ROBO1: variants seen among roughly 807,000 people sequenced by gnomAD.
ROBO1 encodes the protein roundabout homolog 1.
ROBO1 carries 149 observed loss-of-function variants against 195.9 expected under a neutral mutation model. That is an observed-to-expected ratio of 0.76 (90% CI 0.67 to 0.87). The LOEUF (loss-of-function observed/expected upper bound fraction) is 0.87, where lower values mean the gene tolerates loss of function less well. ROBO1 is among the 40% of genes least tolerant of loss of function. The pLI is 0.00. For missense variants in ROBO1, 1,933 were observed against 2,068.3 expected (o/e 0.93, Z 1.27); for synonymous variants, 816 against 733.2 (o/e 1.11, Z -1.82).
rs1946376053 is a variant in ROBO1, at chr3:79,663,001, C to T, written c.-50-73040G>A. Among the ~76,000 whole-genome samples the T allele has an allele frequency of 2.6e-5, 4 of 151,986 alleles. No homozygotes were observed. In the South Asian group the frequency reaches 8.3e-4, roughly 32 times the overall value. On this transcript the variant is annotated intron_variant, in intron 1 of 30. Coordinates refer to ENST00000464233, the MANE Select transcript of ROBO1 (RefSeq NM_002941.4). The stretch of plus-strand genomic sequence containing the variant: ...TGACTGCTAGGCACACACAAAGAAT[C>T]ACATATAAATTTGATGTTAGAACTC...
intron 2 of ROBO1, among the ~76,000 whole-genome samples, chr3:79,419,903 G>A (rs1170757631): frequency 6.6e-6 from 1 of 151,766 alleles, no homozygotes; most frequent in Non-Finnish European, 1.5e-5. Flanking sequence ...ACGTACATAA[G>A]GTATGTATAC....
chr3:79,478,851 T>G (rs1200235528), intron 2 of ROBO1, among the ~76,000 whole-genome samples: 1 of 152,174 alleles, frequency 6.6e-6, no homozygotes, highest in African/African-American at 2.4e-5. Flanking sequence ...AACTTGAGAT[T>G]TTTTAACTGC....
At chr3:79,452,450 C>A (rs946207491) in intron 2 of ROBO1, among the ~76,000 whole-genome samples, 1 of 152,028 alleles carries the variant, frequency 6.6e-6, no homozygotes, top group East Asian at 1.9e-4. Context: ...ATATCACCCT[C>A]CAATAGAACG....
At chr3:79,673,672 G>C in intron 1 of ROBO1, among the ~76,000 whole-genome samples, 1 of 151,946 alleles carries the variant, frequency 6.6e-6, no homozygotes, top group East Asian at 1.9e-4. Context: ...TTTTTGAATA[G>C]CAAGAATAAC....
At chr3:78,664,494 T>C in intron 14 of ROBO1, among the ~76,000 whole-genome samples, 1 of 152,164 alleles carries the variant, frequency 6.6e-6, no homozygotes, top group East Asian at 1.9e-4. Flanking sequence ...CACCCCTAAC[T>C]GCCAGGTGCT....
intron 3 of ROBO1, among the ~76,000 whole-genome samples, chr3:78,976,384 T>C (rs761003652): frequency 4.6e-5 from 7 of 152,204 alleles, no homozygotes; most frequent in Non-Finnish European, 1.0e-4. Context: ...TTCTTGAGCC[T>C]GACCTGAGGC....
chr3:78,998,941 C>A (rs746652339), intron 3 of ROBO1, among the ~76,000 whole-genome samples: 32 of 151,910 alleles, frequency 2.1e-4, no homozygotes, highest in Non-Finnish European at 7.4e-5. Context: ...CTGTGATATA[C>A]AAGTGGCCAG....
At chr3:78,810,136 C>G (rs543271034) in intron 4 of ROBO1, among the ~76,000 whole-genome samples, 1 of 152,088 alleles carries the variant, frequency 6.6e-6, no homozygotes, top group African/African-American at 2.4e-5. Context: ...TTCGCAGCTA[C>G]GTTAAGAGTT....
chr3:79,611,109 A>G (rs900266093), intron 1 of ROBO1, among the ~76,000 whole-genome samples: 1 of 152,074 alleles, frequency 6.6e-6, no homozygotes, highest in African/African-American at 2.4e-5. Context: ...GAAAGAGGTA[A>G]TGGATGTAGA....
At chr3:79,380,427 T>A (rs1251467307) in intron 2 of ROBO1, among the ~76,000 whole-genome samples, 1 of 152,128 alleles carries the variant, frequency 6.6e-6, no homozygotes, top group Non-Finnish European at 1.5e-5. Context: ...TCAGCACCCA[T>A]TGCTTTAATA....
At chr3:79,053,633 T>C (rs1249123299) in intron 3 of ROBO1, among the ~76,000 whole-genome samples, 1 of 151,892 alleles carries the variant, frequency 6.6e-6, no homozygotes, top group Non-Finnish European at 1.5e-5. Flanking sequence ...ACATGGACGC[T>C]AGTAATCACC....
chr3:79,141,681 T>A (rs1238620650), intron 2 of ROBO1, among the ~76,000 whole-genome samples: 1 of 151,792 alleles, frequency 6.6e-6, no homozygotes, highest in African/African-American at 2.4e-5. Context: ...GGGGTTTCAC[T>A]GCGCAAATTC....
chr3:79,225,726 C>G (rs1419985271), intron 2 of ROBO1, among the ~76,000 whole-genome samples: 1 of 152,130 alleles, frequency 6.6e-6, no homozygotes, highest in Admixed American at 6.6e-5. Flanking sequence ...CAAAACCAAA[C>G]AAATAAAAAG....
intron 1 of ROBO1, among the ~76,000 whole-genome samples, chr3:79,701,886 T>A (rs1947631629): frequency 6.6e-6 from 1 of 151,842 alleles, no homozygotes; most frequent in Admixed American, 6.6e-5. Context: ...AAGTTCATCT[T>A]AAATTACCCA....
chr3:79,136,557 C>A (rs911918201), intron 2 of ROBO1, among the ~76,000 whole-genome samples: 1 of 152,034 alleles, frequency 6.6e-6, no homozygotes, highest in African/African-American at 2.4e-5. Context: ...TCCTACTAAT[C>A]AAGAGGAATG....
chr3:79,373,032 C>A (rs1030565768), intron 2 of ROBO1, among the ~76,000 whole-genome samples: 2 of 151,978 alleles, frequency 1.3e-5, no homozygotes, highest in Non-Finnish European at 2.9e-5. Context: ...AAACACATTT[C>A]TGTTTACTGA....
intron 2 of ROBO1, among the ~76,000 whole-genome samples, chr3:79,495,699 T>C (rs1939692077): frequency 6.6e-6 from 1 of 152,236 alleles, no homozygotes; most frequent in Admixed American, 6.5e-5. Context: ...AACTTCTTCA[T>C]AATCTTATAT....
intron 2 of ROBO1, among the ~76,000 whole-genome samples, chr3:79,423,345 T>G (rs1439164122): frequency 6.6e-6 from 1 of 152,128 alleles, no homozygotes; most frequent in Non-Finnish European, 1.5e-5. Flanking sequence ...CTAAGGAAAC[T>G]TTGAGTTATG....
intron 2 of ROBO1, among the ~76,000 whole-genome samples, chr3:79,529,431 C>G (rs557077030): frequency 6.6e-6 from 1 of 152,148 alleles, no homozygotes; most frequent in Admixed American, 6.6e-5. Flanking sequence ...TTGTCTGGAT[C>G]GTGCCACTGC....
Sources: gnomAD v4.1 joint callset for allele counts (sites outside exome capture counted in the v4.1 genomes callset) on GRCh38, gnomAD v4.1.1 for gene constraint, MANE v1.5 for transcripts, NCBI Gene and HGNC (gene_info 2026-07-23, HGNC 2026-07-21) for gene names.